The following MMP26 variants were observed in gnomAD, a reference collection of about 807,000 sequenced individuals.
The protein encoded by MMP26 is matrix metallopeptidase 26, also known as matrix metalloproteinase-26.
In MMP26, 33 loss-of-function variants were observed where a neutral mutation model predicts 31.0. The ratio of observed to expected loss-of-function variants is 1.06; its 90% CI spans 0.81 to 1.42. The LOEUF (loss-of-function observed/expected upper bound fraction) is 1.42. MMP26 is among the 40% of genes most tolerant of loss of function. The pLI, the probability that MMP26 is intolerant of heterozygous loss-of-function variation, is 0.00. For synonymous variants in MMP26, 122 were observed against 114.9 expected, an observed-to-expected ratio of 1.06 and a Z score of -0.40; for missense variants, 347 against 316.1, an observed-to-expected ratio of 1.10 and a Z score of -0.74.
intron 5 of MMP26, among the ~76,000 whole-genome samples, 168 bp from the exon 6 acceptor site, chr11:4,991,203 T>G (rs1846996245): frequency 6.6e-6 from 1 of 152,164 alleles, no homozygotes. Context: ...AGTAGGAAGA[T>G]TTTGGGCCCC....
At chr11:4,827,130 A>G (rs1849587654) in intron 2 of MMP26, among the ~76,000 whole-genome samples, 1 of 152,140 alleles carries the variant, frequency 6.6e-6, no homozygotes, top group African/African-American at 2.4e-5. Flanking sequence ...TGACTAAATG[A>G]GTCTGATTGC....
intron 5 of MMP26, 105 bp downstream of exon 5, chr11:4,990,851 A>T: frequency 7.9e-7 from 1 of 1,273,652 alleles, no homozygotes; most frequent in Non-Finnish European, 1.1e-6. Flanking sequence ...AGTTTCTGAG[A>T]AAAAAAGTCT....
chr11:4,819,048 G>C (rs940376404), intron 2 of MMP26, among the ~76,000 whole-genome samples: 1 of 152,112 alleles, frequency 6.6e-6, no homozygotes, highest in Non-Finnish European at 1.5e-5. Flanking sequence ...TTCTGATTTA[G>C]AAAATTGGGT....
At chr11:4,879,316 T>C (rs894808206) in intron 2 of MMP26, among the ~76,000 whole-genome samples, 3 of 152,116 alleles carry the variant, frequency 2.0e-5, no homozygotes, top group African/African-American at 7.2e-5. Context: ...AATAGTTGGA[T>C]TCCAGTCTAA....
intron 2 of MMP26, among the ~76,000 whole-genome samples, chr11:4,941,781 G>A (rs916753365): frequency 1.0e-4 from 5 of 49,716 alleles, no homozygotes; most frequent in African/African-American, 3.1e-4. Context: ...TTTGCTGCAG[G>A]TTCTTTTTTT....
At chr11:4,959,713 T>A (rs1180492727) in intron 2 of MMP26, among the ~76,000 whole-genome samples, 1 of 152,220 alleles carries the variant, frequency 6.6e-6, no homozygotes, top group African/African-American at 2.4e-5. Flanking sequence ...TTTCTTTTCT[T>A]GTCCTCTATT....
chr11:4,938,020 T>A (rs1286583257), intron 2 of MMP26: 1 of 152,174 alleles, frequency 6.6e-6, no homozygotes, highest in African/African-American at 2.4e-5. Context: ...ATGAATTTCA[T>A]GGACATCAAA....
At chr11:4,818,434 TTTG>T (rs1291743835) in intron 2 of MMP26, among the ~76,000 whole-genome samples, 1 of 152,168 alleles carries the variant, frequency 6.6e-6, no homozygotes, top group African/African-American at 2.4e-5. Flanking sequence ...TAATCATAGG[TTTG>T]TTATTATTTT....
chr11:4,910,412 A>G (rs1850973240), intron 2 of MMP26, among the ~76,000 whole-genome samples: 3 of 152,124 alleles, frequency 2.0e-5, no homozygotes, highest in African/African-American at 7.2e-5. Flanking sequence ...TTCTATGTAA[A>G]GTAATATATT....
intron 1 of MMP26, among the ~76,000 whole-genome samples, chr11:4,735,332 A>G (rs918469604): frequency 6.6e-6 from 1 of 152,208 alleles, no homozygotes; most frequent in Non-Finnish European, 1.5e-5. Flanking sequence ...GTGTGTGTAT[A>G]TATCTATATG....
chr11:4,937,060 A>T (rs1400920650), intron 2 of MMP26, among the ~76,000 whole-genome samples: 2 of 152,140 alleles, frequency 1.3e-5, no homozygotes, highest in African/African-American at 4.8e-5. Context: ...ATTTTCTCTT[A>T]TTATTGTATT....
chr11:4,778,365 T>G (rs1209917886), intron 2 of MMP26, among the ~76,000 whole-genome samples: 1 of 152,076 alleles, frequency 6.6e-6, no homozygotes, highest in Non-Finnish European at 1.5e-5. Context: ...GGATATCCAA[T>G]AGATCTGGTA....
chr11:4,713,901 A>G (rs1233042472), intron 1 of MMP26, among the ~76,000 whole-genome samples: 1 of 152,114 alleles, frequency 6.6e-6, no homozygotes, highest in Non-Finnish European at 1.5e-5. Context: ...CATGGAAACT[A>G]TAAAAGAACA....
chr11:4,769,431 A>G, intron 2 of MMP26: 1 of 1,613,772 alleles, frequency 6.2e-7, no homozygotes, highest in South Asian at 1.1e-5. Context: ...TTAAGGAGCA[A>G]AAGTAGTGGC....
chr11:4,764,723 A>T (rs539023717), intron 1 of MMP26, among the ~76,000 whole-genome samples: 1 of 152,230 alleles, frequency 6.6e-6, no homozygotes, highest in South Asian at 2.1e-4. Flanking sequence ...AATACAAAAA[A>T]TTAGCTGGGC....
rs141598542 is a variant in MMP26 at position 4,966,867 on chromosome 11, G to C, written c.-144-21201G>C. On this transcript the variant is annotated intron_variant, in intron 2 of 7. Transcript: ENST00000380390. ...TGAAAGCTTTTTTAAAAGATTGATA[G>C]TTGAAACTCTCAGAGGGCAGCTAGT... Among the ~76,000 whole-genome samples the C allele has an allele frequency of 8.2e-3, 1,243 of 152,234 alleles. 40 individuals are homozygous for C. Among genetic ancestry groups the C allele is most frequent in the East Asian group, 0.026 (133 of 5,182 alleles).
chr11:4,765,781 C>T (rs185637320), intron 1 of MMP26, among the ~76,000 whole-genome samples: 63 of 152,326 alleles, frequency 4.1e-4, no homozygotes, highest in African/African-American at 1.4e-3. Context: ...GGCTTCTGAA[C>T]GATGTGTCCT....
At chr11:4,924,295 G>C in intron 2 of MMP26, 2 of 1,613,226 alleles carry the variant, frequency 1.2e-6, no homozygotes. Flanking sequence ...AGCCCGTCAG[G>C]AAGAAAGTGG....
chr11:4,909,703 C>T (rs1355176551), intron 2 of MMP26, among the ~76,000 whole-genome samples: 1 of 152,152 alleles, frequency 6.6e-6, no homozygotes, highest in East Asian at 1.9e-4. Context: ...ACATTTAAAA[C>T]TTCCCCTGGG....
Sources: gnomAD v4.1 joint callset for allele counts (sites outside exome capture counted in the v4.1 genomes callset) on GRCh38, gnomAD v4.1.1 for gene constraint, MANE v1.5 for transcripts, NCBI Gene and HGNC (gene_info 2026-07-23, HGNC 2026-07-21) for gene names.